Variants in SLC17A1 observed in about 807,000 individuals in gnomAD.
The protein encoded by SLC17A1 is solute carrier family 17 member 1.
A neutral mutation model predicts 53.5 loss-of-function variants in SLC17A1; 51 were observed. The observed-to-expected ratio is 0.95, with a 90% CI of 0.76 to 1.20. The LOEUF is 1.20. Among genes scored for constraint, SLC17A1 ranks in the 50% most tolerant of loss-of-function variants. The pLI, the probability that SLC17A1 is intolerant of heterozygous loss-of-function variation, is 0.00. For missense variants in SLC17A1, 538 were observed against 568.2 expected, an observed-to-expected ratio of 0.95 and a Z score of 0.54; for synonymous variants, 179 against 198.8, an observed-to-expected ratio of 0.90 and a Z score of 0.84.
chr6:25,757,123 G>T, the SLC17A1 span, among the ~76,000 whole-genome samples: 1 of 152,120 alleles, frequency 6.6e-6, no homozygotes, highest in Non-Finnish European at 1.5e-5. Flanking sequence ...AGACTAGAGG[G>T]TTCCATGGTC....
chr6:25,727,214 G>A, the SLC17A1 span: 4 of 1,613,930 alleles, frequency 2.5e-6, no homozygotes, highest in Non-Finnish European at 8.5e-7. Flanking sequence ...CAGTGCGCTT[G>A]CTACTGCCGG....
chr6:25,810,025 T>A (rs759069530), intron 10 of SLC17A1, among the ~76,000 whole-genome samples: 6 of 152,052 alleles, frequency 3.9e-5, no homozygotes, highest in African/African-American at 7.2e-5. Flanking sequence ...AAGGATGGTG[T>A]CTTCAATAAA....
intron 10 of SLC17A1, among the ~76,000 whole-genome samples, chr6:25,801,909 C>T (rs901002435): frequency 6.9e-6 from 1 of 144,432 alleles, no homozygotes; most frequent in Non-Finnish European, 1.5e-5. Context: ...TTTTGACGAT[C>T]TAGGGAGTGT....
chr6:25,805,488 T>C (rs1763920890), intron 10 of SLC17A1, among the ~76,000 whole-genome samples: 1 of 151,254 alleles, frequency 6.6e-6, no homozygotes, highest in Admixed American at 6.6e-5. Flanking sequence ...AAGAACAAAC[T>C]AAACCCAAAG....
At chr6:25,820,130 C>T (rs975547397) in intron 3 of SLC17A1, among the ~76,000 whole-genome samples, 5 of 152,162 alleles carry the variant, frequency 3.3e-5, no homozygotes, top group African/African-American at 9.7e-5. Context: ...TCCTCACAGC[C>T]AAGGACACCA....
At chr6:25,798,960 T>C in intron 11 of SLC17A1, 41 bp from the exon 12 acceptor site, 1 of 1,513,050 alleles carries the variant, frequency 6.6e-7, no homozygotes, top group Non-Finnish European at 8.9e-7. Context: ...ATTATTGCTC[T>C]TGTTTTTTTG....
chr6:25,793,422 G>A (rs1048361935), intron 12 of SLC17A1, among the ~76,000 whole-genome samples: 2 of 152,206 alleles, frequency 1.3e-5, no homozygotes, highest in Non-Finnish European at 2.9e-5. Context: ...ATGAGAAAGA[G>A]AGGCACATTA....
At chr6:25,826,093 T>G (rs1201674635) in intron 3 of SLC17A1, among the ~76,000 whole-genome samples, 1 of 152,160 alleles carries the variant, frequency 6.6e-6, no homozygotes, top group Admixed American at 6.6e-5. Context: ...AGAGATGAAA[T>G]TAATGAAACA....
the SLC17A1 span, chr6:25,732,819 A>G: frequency 2.0e-6 from 1 of 505,970 alleles, no homozygotes; most frequent in Non-Finnish European, 3.4e-6. Flanking sequence ...AAAGTCCAGT[A>G]TGAATAACCA....
intron 12 of SLC17A1, among the ~76,000 whole-genome samples, chr6:25,791,248 G>A (rs1763494844): frequency 6.6e-6 from 1 of 152,070 alleles, no homozygotes; most frequent in East Asian, 1.9e-4. Flanking sequence ...ACTGCTACAG[G>A]TCTTTTTAAA....
intron 11 of SLC17A1, among the ~76,000 whole-genome samples, chr6:25,800,290 C>A (rs763685102): frequency 1.3e-5 from 2 of 151,938 alleles, no homozygotes; most frequent in Non-Finnish European, 2.9e-5. Context: ...CCAAGGCAGC[C>A]AGTGTCTTCA....
the SLC17A1 span, among the ~76,000 whole-genome samples, chr6:25,742,857 A>G: frequency 6.6e-6 from 1 of 152,210 alleles, no homozygotes; most frequent in East Asian, 1.9e-4. Context: ...ATTTAGTAAA[A>G]CCTAACAAAA....
chr6:25,784,701 T>C (rs1763342112), intron 12 of SLC17A1, among the ~76,000 whole-genome samples: 1 of 152,310 alleles, frequency 6.6e-6, no homozygotes, highest in South Asian at 2.1e-4. Flanking sequence ...ACAGATATTG[T>C]TCAGGATGTC....
At chr6:25,731,766 G>T in the SLC17A1 span, 1 of 1,532,598 alleles carries the variant, frequency 6.5e-7, no homozygotes, top group Non-Finnish European at 8.9e-7. Context: ...GAGCTCATCT[G>T]CTGGCCCTAT....
At chr6:25,762,115 T>C in the SLC17A1 span, 1 of 1,433,724 alleles carries the variant, frequency 7.0e-7, no homozygotes, top group South Asian at 1.2e-5. Flanking sequence ...CTGTAACTTG[T>C]GGTACTAAAT....
At chr6:25,778,055 C>T, downstream of SLC17A1, 2 of 1,250,040 alleles carry the variant, frequency 1.6e-6, no homozygotes, top group Non-Finnish European at 1.1e-6. Context: ...ATAAAAGAAA[C>T]CTATAGAGGC....
chr6:25,767,467 G>T, the SLC17A1 span, among the ~76,000 whole-genome samples: 3 of 152,044 alleles, frequency 2.0e-5, no homozygotes, highest in Admixed American at 6.6e-5. Context: ...AAATTTGGGG[G>T]CCACAGAGAG....
chr6:25,754,239 TCA>T, the SLC17A1 span, among the ~76,000 whole-genome samples: 1 of 152,000 alleles, frequency 6.6e-6, no homozygotes, highest in East Asian at 1.9e-4. Context: ...GGGAGGAGAA[TCA>T]CAGAGTTAAT....
intron 1 of SLC17A1, among the ~76,000 whole-genome samples, chr6:25,831,558 C>T (rs149529259): frequency 2.2e-4 from 34 of 152,192 alleles, no homozygotes; most frequent in Middle Eastern, 3.4e-3. Context: ...ATGTTCTCCA[C>T]ACATACACTC....
Sources: gnomAD v4.1 joint callset for allele counts (sites outside exome capture counted in the v4.1 genomes callset) on GRCh38, gnomAD v4.1.1 for gene constraint, MANE v1.5 for transcripts, NCBI Gene and HGNC (gene_info 2026-07-23, HGNC 2026-07-21) for gene names.